Variants in MSR1 observed in about 807,000 individuals in gnomAD.
The protein encoded by MSR1 is macrophage scavenger receptor 1.
A neutral mutation model predicts 47.2 loss-of-function variants in MSR1; 53 were observed. The observed-to-expected ratio is 1.12, with a 90% confidence interval of 0.90 to 1.41. The LOEUF (loss-of-function observed/expected upper bound fraction) is 1.41. Among genes scored for constraint, MSR1 ranks in the 40% most tolerant of loss-of-function variants. MSR1 has a pLI of 0.00. For synonymous variants in MSR1, 239 were observed against 185.6 expected (o/e 1.29, Z -2.34); for missense variants, 786 against 546.9 (o/e 1.44, Z -4.36).
At chr8:16,165,681 T>G (rs1358530663) in intron 4 of MSR1, among the ~76,000 whole-genome samples, 2 of 152,128 alleles carry the variant, frequency 1.3e-5, no homozygotes, top group African/African-American at 4.8e-5. Flanking sequence ...AAAAGAATAT[T>G]ACACTCTCTT....
chr8:16,152,658 G>C (rs1800892550), intron 6 of MSR1, among the ~76,000 whole-genome samples: 1 of 152,038 alleles, frequency 6.6e-6, no homozygotes, highest in South Asian at 2.1e-4. Context: ...CAGCTTCTTA[G>C]ATGGCCCACA....
In MSR1 at chr8:16,189,914, C is replaced by T. The variant is rs943230271; in HGVS notation, c.-5+2684G>A. 3.8e-3 allele frequency among the ~76,000 whole-genome samples: 493 copies of T among 129,766 alleles called. 5 individuals carry two copies. The highest frequency in any genetic ancestry group is 0.016 in the African/African-American group (478 of 30,168). 85.1% of individuals were successfully genotyped at this position (129,766 alleles called of 152,430 possible). A position where few individuals can be genotyped will look rare whatever the true frequency, so the allele number is the denominator to read the frequency against. ...ATAAATAATGATGTTATAAATATTTCCTTTTTTTTTTTTTTTTTGAGATTG... is the reference window on the plus strand; with the variant it reads ...ATAAATAATGATGTTATAAATATTTTCTTTTTTTTTTTTTTTTTGAGATTG... On this transcript the variant is annotated intron_variant, in intron 1 of 9. Coordinates refer to ENST00000262101, the MANE Select transcript of MSR1 (RefSeq NM_138715.3).
intron 6 of MSR1, 65 bp from the exon 7 acceptor site, chr8:16,150,376 T>C: frequency 1.2e-6 from 1 of 843,060 alleles, no homozygotes; most frequent in South Asian, 1.9e-5. Context: ...GAGAGTATAA[T>C]GAAAACATCT....
intron 7 of MSR1, among the ~76,000 whole-genome samples, chr8:16,148,442 C>T (rs1290089636): frequency 1.3e-5 from 2 of 151,776 alleles, no homozygotes; most frequent in Non-Finnish European, 2.9e-5. Flanking sequence ...ATGTTTATAG[C>T]TGCTTTACGT....
At chr8:16,146,658 G>C (rs1390917627) in intron 7 of MSR1, among the ~76,000 whole-genome samples, 2 of 151,860 alleles carry the variant, frequency 1.3e-5, no homozygotes, top group African/African-American at 4.8e-5. Context: ...CTGTTCTCTG[G>C]GTTTTCTTCT....
chr8:16,139,241 T>C (rs1800466195), intron 8 of MSR1: 1 of 982,264 alleles, frequency 1.0e-6, no homozygotes, highest in Non-Finnish European at 1.2e-6. Context: ...CTATTCTGAT[T>C]ACAGATTAAA....
At chr8:16,140,623 A>G in intron 8 of MSR1, 1 of 1,128,396 alleles carries the variant, frequency 8.9e-7, no homozygotes, top group Non-Finnish European at 1.1e-6. Context: ...TTAGGGTGAG[A>G]ACACAGCAGT....
chr8:16,187,782 T>TA (rs1802046170), intron 1 of MSR1, among the ~76,000 whole-genome samples: 1 of 152,198 alleles, frequency 6.6e-6, no homozygotes, highest in South Asian at 2.1e-4. Flanking sequence ...TATTGGAAAA[T>TA]AAAATATTTC....
At chr8:16,188,541 C>T (rs542365883) in intron 1 of MSR1, among the ~76,000 whole-genome samples, 19 of 152,080 alleles carry the variant, frequency 1.2e-4, no homozygotes, top group South Asian at 4.2e-4. Context: ...ACGTGCAGAA[C>T]GTGCAGGTTT....
Position 16,175,039 on chromosome 8 carries a change from T to G in MSR1, c.217+148A>C, listed in dbSNP as rs572589884. 37 of 696,444 alleles carry G rather than the reference T, an allele frequency of 5.3e-5. No individual in the cohort carries two copies. The South Asian group carries it at 6.5e-4, about 12-fold the overall frequency. The allele number at this position is 696,444 out of a possible 1,614,324, so 43.1% of individuals were successfully genotyped here. ...ACTTAACTTTGCGGAATCTGTTTTT[T>G]AACTTAACAAATTTGAAGGACACTT... On this transcript the variant is annotated intron_variant, in intron 3 of 9. Transcript: ENST00000262101.
At chr8:16,157,215 G>C (rs1256638230) in intron 5 of MSR1, among the ~76,000 whole-genome samples, 1 of 151,950 alleles carries the variant, frequency 6.6e-6, no homozygotes, top group Non-Finnish European at 1.5e-5. Context: ...CTTAGCCTCT[G>C]AGATGGACTT....
chr8:16,148,960 T>C (rs1800772819), intron 7 of MSR1, among the ~76,000 whole-genome samples: 2 of 152,120 alleles, frequency 1.3e-5, no homozygotes, highest in South Asian at 4.1e-4. Context: ...ACTCCAACTA[T>C]ATGACATTCT....
rs1430499411 is a variant in MSR1 at position 16,110,168 on chromosome 8, A to T, written c.1273T>A (p.Ser425Thr). 25 of 1,613,672 alleles carry T rather than the reference A, an allele frequency of 1.5e-5. No homozygotes were observed. Among genetic ancestry groups the T allele is most frequent in the Non-Finnish European group, 2.1e-5 (25 of 1,179,672 alleles). ...NEVFCFGRESSIEECKIRQWG... is the reference protein window; with the variant it reads ...NEVFCFGRESTIEECKIRQWG... Reference sequence around the variant, plus strand: ...TGCCGAATTTTACATTCTTCAATAGATGATTCTCTCCCAAAACAAAACACT... The same window carrying T: ...TGCCGAATTTTACATTCTTCAATAGTTGATTCTCTCCCAAAACAAAACACT... The change falls in exon 10 of 10, where the codon TCT becomes ACT. Residue 425 changes from serine to threonine, a missense_variant. Ser to Thr is a moderately conservative substitution (Grantham distance 58). Coordinates refer to ENST00000262101, the MANE Select transcript of MSR1 (RefSeq NM_138715.3).
intron 9 of MSR1, 138 bp downstream of exon 9, chr8:16,120,280 G>T: frequency 1.2e-6 from 1 of 862,626 alleles, no homozygotes; most frequent in Non-Finnish European, 1.9e-6. Context: ...GGCAGGCTAA[G>T]GGAGGAGAAT....
intron 3 of MSR1, among the ~76,000 whole-genome samples, chr8:16,171,914 C>T (rs1381983814): frequency 6.6e-6 from 1 of 152,070 alleles, no homozygotes; most frequent in Non-Finnish European, 1.5e-5. Flanking sequence ...TAGTCAGTGT[C>T]CAAATAATTA....
chr8:16,151,378 T>G (rs1800854361), intron 6 of MSR1, among the ~76,000 whole-genome samples: 1 of 152,150 alleles, frequency 6.6e-6, no homozygotes, highest in Non-Finnish European at 1.5e-5. Context: ...ATGAGATACT[T>G]TCATAGAAAT....
rs745311563 is a variant in MSR1, at chr8:16,155,063, C to G, written c.898+1G>C. ...TGATTAAATAGCTAAAATTACCATA[C>G]CTATTGGACCTGGAAATCCTCGTGG... is the stretch of plus-strand genomic sequence containing the variant. On this transcript the variant is annotated splice_donor_variant, in intron 6 of 9. Coordinates refer to ENST00000262101, the MANE Select transcript of MSR1 (RefSeq NM_138715.3). LOFTEE classifies it high-confidence loss of function. 52 of 1,608,200 alleles carry G rather than the reference C, an allele frequency of 3.2e-5. No homozygotes were observed. The Admixed American group carries it at 5.9e-4, about 18-fold the overall frequency.
rs943664192 is a variant in MSR1 at position 16,188,840 on chromosome 8, C to G, written c.-5+3758G>C. ...TCCATGTCCCTGCAAAGGACATCAACTCATCTTTTTTATGGCTGCATAGTA... is the reference window on the plus strand; with the variant it reads ...TCCATGTCCCTGCAAAGGACATCAAGTCATCTTTTTTATGGCTGCATAGTA... On this transcript the variant is annotated intron_variant, in intron 1 of 9. Transcript: ENST00000262101. Among the ~76,000 whole-genome samples, 16 of 151,898 alleles carry G rather than the reference C, an allele frequency of 1.1e-4. No homozygotes were observed. In the East Asian group the frequency reaches 3.1e-3, roughly 29 times the overall value.
At chr8:16,169,827 T>A (rs930046185) in intron 3 of MSR1, among the ~76,000 whole-genome samples, 2 of 152,110 alleles carry the variant, frequency 1.3e-5, no homozygotes, top group African/African-American at 4.8e-5. Flanking sequence ...AGTTTGCCTC[T>A]GTTTTCAGTA....
Sources: gnomAD v4.1 joint callset for allele counts (sites outside exome capture counted in the v4.1 genomes callset) on GRCh38, gnomAD v4.1.1 for gene constraint, MANE v1.5 for transcripts, NCBI Gene and HGNC (gene_info 2026-07-23, HGNC 2026-07-21) for gene names.